Variants in FBXL17 observed in about 807,000 individuals in gnomAD.
FBXL17 encodes the protein F-box and leucine rich repeat protein 17.
FBXL17 carries 22 observed loss-of-function variants against 66.2 expected under a neutral mutation model. That is an observed-to-expected ratio of 0.33 (90% CI 0.24 to 0.47). The LOEUF (loss-of-function observed/expected upper bound fraction) is 0.47. Among genes scored for constraint, FBXL17 ranks in the 20% least tolerant of loss-of-function variants. The pLI, the probability that FBXL17 is intolerant of heterozygous loss-of-function variation, is 1.00. For synonymous variants in FBXL17, 474 were observed against 400.5 expected, an observed-to-expected ratio of 1.18 and a Z score of -2.19; for missense variants, 878 against 948.2, an observed-to-expected ratio of 0.93 and a Z score of 0.97.
At chr5:107,992,388 T>G (rs900023116) in intron 7 of FBXL17, among the ~76,000 whole-genome samples, 3 of 152,020 alleles carry the variant, frequency 2.0e-5, no homozygotes, top group Non-Finnish European at 4.4e-5. Context: ...AAGAAAAAAA[T>G]ACATTGTCTC....
At chr5:108,116,483 CAA>C (rs34773737) in intron 6 of FBXL17, among the ~76,000 whole-genome samples, 21,435 of 134,490 alleles carry the variant, frequency 0.16, 1,602 homozygotes, top group Admixed American at 0.19. Context: ...ACTAAAAATA[CAA>C]AAAAAAAAAA....
intron 6 of FBXL17, among the ~76,000 whole-genome samples, chr5:108,054,112 G>A (rs769938800): frequency 1.1e-4 from 17 of 152,036 alleles, no homozygotes; most frequent in African/African-American, 2.2e-4. Flanking sequence ...GGTCTGTTGC[G>A]GGGTGTGGGG....
intron 7 of FBXL17, among the ~76,000 whole-genome samples, chr5:108,010,349 C>T (rs1351450966): frequency 6.6e-6 from 1 of 152,116 alleles, no homozygotes; most frequent in Non-Finnish European, 1.5e-5. Flanking sequence ...CTTCCCAAGT[C>T]CCACCTCTAA....
chr5:108,348,708 T>C (rs1261667201), intron 3 of FBXL17, among the ~76,000 whole-genome samples, 178 bp from the exon 4 acceptor site: 1 of 152,184 alleles, frequency 6.6e-6, no homozygotes, highest in Non-Finnish European at 1.5e-5. Context: ...ATAAACATTT[T>C]TAACCTTCTA....
intron 4 of FBXL17, among the ~76,000 whole-genome samples, chr5:108,328,794 T>C (rs1043720269): frequency 3.3e-5 from 5 of 152,148 alleles, no homozygotes; most frequent in Non-Finnish European, 7.4e-5. Flanking sequence ...TTTTAAATTA[T>C]GAATAGCTTT....
intron 7 of FBXL17, among the ~76,000 whole-genome samples, chr5:108,015,103 A>G (rs1430070778): frequency 6.6e-6 from 1 of 152,198 alleles, no homozygotes; most frequent in Non-Finnish European, 1.5e-5. Flanking sequence ...TTACTAAGAA[A>G]AAGAACATAA....
chr5:107,890,505 TAAA>T (rs899013729), intron 7 of FBXL17, among the ~76,000 whole-genome samples: 4 of 149,622 alleles, frequency 2.7e-5, no homozygotes, highest in African/African-American at 9.8e-5. Flanking sequence ...CTACAAAAAA[TAAA>T]AAAAAATAAG....
intron 7 of FBXL17, among the ~76,000 whole-genome samples, chr5:107,921,613 T>C (rs76257797): frequency 0.015 from 2,329 of 152,242 alleles, 63 homozygotes; most frequent in African/African-American, 0.052. Context: ...CAACTCCACA[T>C]ACAACTTGAA....
intron 6 of FBXL17, among the ~76,000 whole-genome samples, chr5:108,069,095 C>T (rs773663482): frequency 2.6e-5 from 4 of 152,036 alleles, no homozygotes; most frequent in Non-Finnish European, 4.4e-5. Flanking sequence ...ATACACACAC[C>T]CCTCACAGTC....
chr5:108,012,919 G>C (rs1754233618), intron 7 of FBXL17, among the ~76,000 whole-genome samples: 2 of 150,600 alleles, frequency 1.3e-5, no homozygotes. Flanking sequence ...GGAGGCTGAA[G>C]CAGGAGAATC....
chr5:108,019,690 C>T (rs901087221), intron 7 of FBXL17, among the ~76,000 whole-genome samples: 2 of 151,806 alleles, frequency 1.3e-5, no homozygotes, highest in East Asian at 1.9e-4. Context: ...CTCAATATGC[C>T]GTGTGTTGGT....
chr5:107,880,548 T>C, intron 8 of FBXL17: 1 of 1,012,022 alleles, frequency 9.9e-7, no homozygotes, highest in Non-Finnish European at 1.2e-6. Context: ...AATTCCCACA[T>C]ACCCCCTTAC....
intron 6 of FBXL17, among the ~76,000 whole-genome samples, chr5:108,127,516 G>A (rs974259615): frequency 2.0e-5 from 3 of 151,946 alleles, no homozygotes; most frequent in Non-Finnish European, 2.9e-5. Flanking sequence ...AAAGATTATC[G>A]ACACATAATG....
At chr5:108,358,353 A>G (rs1580883984) in intron 3 of FBXL17, among the ~76,000 whole-genome samples, 1 of 152,120 alleles carries the variant, frequency 6.6e-6, no homozygotes, top group Non-Finnish European at 1.5e-5. Context: ...GCATCACTCT[A>G]TTCCTAGTTT....
rs35283339 is a variant in FBXL17, at chr5:108,094,874, CA to C, written c.1746-73874del. ...ATCAAAATTGACAGGAACAAGGATG[CA>C]AAAAAAAAAAATAAATGAGTGACCT... On this transcript the variant is annotated intron_variant, in intron 6 of 8. Coordinates refer to ENST00000542267, the MANE Select transcript of FBXL17 (RefSeq NM_001163315.3). 3.6e-3 allele frequency among the ~76,000 whole-genome samples: 490 copies of C among 134,856 alleles called. 1 individual carries two copies. Among genetic ancestry groups the C allele is most frequent in the Non-Finnish European group, 4.8e-3 (291 of 61,068 alleles). 88.5% of individuals were successfully genotyped at this position (134,856 alleles called of 152,430 possible). A position where few individuals can be genotyped will look rare whatever the true frequency, so the allele number is the denominator to read the frequency against.
chr5:108,026,887 T>C (rs1345500663), intron 6 of FBXL17, among the ~76,000 whole-genome samples: 1 of 152,180 alleles, frequency 6.6e-6, no homozygotes, highest in Non-Finnish European at 1.5e-5. Context: ...GCCTACAAAC[T>C]GAAATGTTAT....
chr5:108,265,004 C>T (rs1756989262), intron 4 of FBXL17, among the ~76,000 whole-genome samples: 1 of 151,570 alleles, frequency 6.6e-6, no homozygotes, highest in African/African-American at 2.4e-5. Context: ...TGTGATCCAT[C>T]CTCTATATTA....
chr5:108,381,182 C>A lies in FBXL17; in HGVS notation c.510G>T (p.Leu170=). The A allele has an allele frequency of 7.0e-7, 1 of 1,433,798 alleles. No individual in the cohort carries two copies. Among genetic ancestry groups the A allele is most frequent in the East Asian group, 3.0e-5 (1 of 32,828 alleles). The allele number at this position is 1,433,798 out of a possible 1,614,324, so 88.8% of individuals were successfully genotyped here. A position where few individuals can be genotyped will look rare whatever the true frequency, so the allele number is the denominator to read the frequency against. ...AGAGCTGCACGGCGGCGGGCGGCCC[C>A]AGGAAGCGCACCGGCCCCAAGCTGG... ...FLASLGPVRF[L]GPPAAVQLFR... Residue 170 remains leucine, a synonymous_variant, in exon 1 of 9, where the codon CTG becomes CTT. Coordinates refer to ENST00000542267, the MANE Select transcript of FBXL17 (RefSeq NM_001163315.3).
chr5:108,316,586 G>A (rs532945060), intron 4 of FBXL17, among the ~76,000 whole-genome samples: 1 of 151,274 alleles, frequency 6.6e-6, no homozygotes, highest in South Asian at 2.1e-4. Flanking sequence ...ACACTGAAGA[G>A]CATTTTTAAA....
Sources: gnomAD v4.1 joint callset for allele counts (sites outside exome capture counted in the v4.1 genomes callset) on GRCh38, gnomAD v4.1.1 for gene constraint, MANE v1.5 for transcripts, NCBI Gene and HGNC (gene_info 2026-07-23, HGNC 2026-07-21) for gene names.